COL28A1: variants seen among roughly 807,000 people sequenced by gnomAD.
COL28A1 encodes the protein collagen alpha-1(XXVIII) chain.
Under a neutral mutation model 150.2 loss-of-function variants are expected in COL28A1, and 161 were observed. The ratio of observed to expected loss-of-function variants is 1.07; its 90% CI spans 0.94 to 1.22. COL28A1 has a LOEUF of 1.22. Among genes scored for constraint, COL28A1 ranks in the 50% most tolerant of loss-of-function variants. The pLI is 0.00. For synonymous variants in COL28A1, 552 were observed against 469.7 expected (o/e 1.18, Z -2.26); for missense variants, 1,617 against 1,388.3 (o/e 1.16, Z -2.62).
rs576360202 is a variant in COL28A1, at chr7:7,465,443, C to G, written c.1302+9158G>C. Among the ~76,000 whole-genome samples, 375 of 139,782 alleles carry G rather than the reference C, an allele frequency of 2.7e-3. 4 individuals are homozygous for G. Among genetic ancestry groups the G allele is most frequent in the African/African-American group, 9.6e-3 (358 of 37,296 alleles). 91.7% of individuals were successfully genotyped at this position (139,782 alleles called of 152,430 possible). A position where few individuals can be genotyped will look rare whatever the true frequency, so the allele number is the denominator to read the frequency against. Reference sequence around the variant, plus strand: ...ACGAGACTATATCCCCCACCTGGCTCAGAGGGTCCTACGCCCACGGAATCT... The same window carrying G: ...ACGAGACTATATCCCCCACCTGGCTGAGAGGGTCCTACGCCCACGGAATCT... On this transcript the variant is annotated intron_variant, in intron 15 of 34. Transcript: ENST00000399429.
intron 11 of COL28A1, among the ~76,000 whole-genome samples, chr7:7,492,305 G>A (rs749494284): frequency 8.6e-5 from 13 of 151,970 alleles, no homozygotes; most frequent in Non-Finnish European, 1.5e-4. Context: ...CCGATGTGGT[G>A]GCTCATGCCT....
chr7:7,366,975 T>C (rs1350741614), intron 33 of COL28A1, among the ~76,000 whole-genome samples: 1 of 152,238 alleles, frequency 6.6e-6, no homozygotes, highest in African/African-American at 2.4e-5. Flanking sequence ...TGTGTGTGTG[T>C]GCGCGCGTGC....
intron 19 of COL28A1, among the ~76,000 whole-genome samples, chr7:7,443,940 TAG>T (rs1786018440): frequency 6.6e-6 from 1 of 151,210 alleles, no homozygotes; most frequent in Non-Finnish European, 1.5e-5. Flanking sequence ...TCGCATTTGG[TAG>T]ATTTTTTAAA....
At chr7:7,529,801 A>T (rs1230962085) in intron 3 of COL28A1, among the ~76,000 whole-genome samples, 1 of 152,242 alleles carries the variant, frequency 6.6e-6, no homozygotes, top group African/African-American at 2.4e-5. Flanking sequence ...CACGGGCTGG[A>T]GCCCTCTGTT....
At chr7:7,361,625 G>A (rs1178435999) in intron 33 of COL28A1, among the ~76,000 whole-genome samples, 5 of 152,106 alleles carry the variant, frequency 3.3e-5, no homozygotes, top group African/African-American at 1.2e-4. Flanking sequence ...TTTGTTGGCT[G>A]CATAAATGTC....
At chr7:7,510,274 TATTG>T (rs112747472) in intron 9 of COL28A1, among the ~76,000 whole-genome samples, 50 of 152,038 alleles carry the variant, frequency 3.3e-4, no homozygotes, top group Non-Finnish European at 4.6e-4. Context: ...GTGCTTTCAT[TATTG>T]ATTGATTGAT....
intron 9 of COL28A1, among the ~76,000 whole-genome samples, chr7:7,507,398 A>G (rs1780871421): frequency 6.6e-6 from 1 of 152,234 alleles, no homozygotes; most frequent in Non-Finnish European, 1.5e-5. Flanking sequence ...TCCGTTGCCT[A>G]CATATTGACA....
chr7:7,455,144 T>C (rs1268315903), intron 16 of COL28A1, among the ~76,000 whole-genome samples: 5 of 152,184 alleles, frequency 3.3e-5, no homozygotes, highest in South Asian at 2.1e-4. Context: ...AGAAACTAGA[T>C]ACAGAAAGCA....
At chr7:7,383,440 G>C (rs867564031) in intron 27 of COL28A1, among the ~76,000 whole-genome samples, 1 of 151,420 alleles carries the variant, frequency 6.6e-6, no homozygotes, top group African/African-American at 2.4e-5. Flanking sequence ...CACTATGCCT[G>C]GCTAATTTTT....
intron 27 of COL28A1, among the ~76,000 whole-genome samples, chr7:7,396,070 C>T (rs1186433479): frequency 6.6e-6 from 1 of 152,214 alleles, no homozygotes; most frequent in East Asian, 1.9e-4. Flanking sequence ...TTTGTGAGTA[C>T]AGCTAATTCA....
At chr7:7,378,064 G>C (rs191092770) in intron 30 of COL28A1, among the ~76,000 whole-genome samples, 3 of 152,110 alleles carry the variant, frequency 2.0e-5, no homozygotes, top group African/African-American at 7.2e-5. Flanking sequence ...AGTCTCATAC[G>C]TCTATAAGAC....
chr7:7,489,973 C>G (rs1415467605), intron 12 of COL28A1, among the ~76,000 whole-genome samples: 3 of 152,208 alleles, frequency 2.0e-5, no homozygotes, highest in African/African-American at 7.2e-5. Flanking sequence ...TGGGGATATT[C>G]AATTACATTC....
Position 7,373,876 on chromosome 7 carries a change from T to C in COL28A1, c.2360-330A>G, listed in dbSNP as rs1472094409. Among the ~76,000 whole-genome samples, 1 of 151,464 alleles carries C rather than the reference T, an allele frequency of 6.6e-6. No individual in the cohort carries two copies. Among genetic ancestry groups the C allele is most frequent in the Non-Finnish European group, 1.5e-5 (1 of 67,850 alleles). On this transcript the variant is annotated intron_variant, in intron 31 of 34. Coordinates refer to ENST00000399429, the MANE Select transcript of COL28A1 (RefSeq NM_001037763.3). The surrounding 1 kb of genome is among the most constrained non-coding windows in gnomAD (Gnocchi z 4.1). ...CACCTCGCCTGGCTAATTTTTTGTA[T>C]TTTTAGTAGAGACAGGGTTTCACCG...
chr7:7,363,844 G>T (rs534433859), intron 33 of COL28A1, among the ~76,000 whole-genome samples: 1 of 151,936 alleles, frequency 6.6e-6, no homozygotes, highest in Non-Finnish European at 1.5e-5. Context: ...TGCCCAGCAC[G>T]ATCTCGGCTC....
intron 27 of COL28A1, among the ~76,000 whole-genome samples, chr7:7,389,375 T>C (rs955053683): frequency 6.6e-6 from 1 of 152,228 alleles, no homozygotes; most frequent in East Asian, 1.9e-4. Context: ...TTGGTACCAA[T>C]ACCATGCTGT....
At chr7:7,431,099 G>A (rs1784938079) in intron 25 of COL28A1, 1 of 152,472 alleles carries the variant, frequency 6.6e-6, no homozygotes, top group Admixed American at 6.5e-5. Context: ...TAAATTTTGT[G>A]GCAGGGGCAA....
rs981402884 is a variant in COL28A1, at chr7:7,373,604, A to T, written c.2360-58T>A. 51 of 1,420,476 alleles carry T rather than the reference A, an allele frequency of 3.6e-5. No homozygotes were observed. The highest frequency in any genetic ancestry group is 4.9e-5 in the Non-Finnish European group (51 of 1,035,636). 88.0% of individuals were successfully genotyped at this position (1,420,476 alleles called of 1,614,324 possible). A position where few individuals can be genotyped will look rare whatever the true frequency, so the allele number is the denominator to read the frequency against. The stretch of plus-strand genomic sequence containing the variant: ...GGGAATGATTGACATCAGATTGTTG[A>T]GGGGAGGGGAGAAAAAGTCAATGAT... On this transcript the variant is annotated intron_variant, in intron 31 of 34. Transcript: ENST00000399429. This position sits in a 1 kb window ranked among gnomAD's most constrained non-coding sequence, Gnocchi z 4.1.
At chr7:7,508,076 C>G (rs1052718709) in intron 9 of COL28A1, among the ~76,000 whole-genome samples, 1 of 151,912 alleles carries the variant, frequency 6.6e-6, no homozygotes, top group Admixed American at 6.6e-5. Context: ...ACTAAAAATA[C>G]AAAAAATTAG....
chr7:7,535,029 C>T (rs967743747), intron 1 of COL28A1, among the ~76,000 whole-genome samples: 2 of 151,978 alleles, frequency 1.3e-5, no homozygotes, highest in Admixed American at 6.6e-5. Flanking sequence ...CACTTTTTAC[C>T]ATGTTTTATT....
Sources: gnomAD v4.1 joint callset for allele counts (sites outside exome capture counted in the v4.1 genomes callset) on GRCh38, gnomAD v4.1.1 for gene constraint, Gnocchi (gnomAD v3.1) non-coding constraint, MANE v1.5 for transcripts, NCBI Gene and HGNC (gene_info 2026-07-23, HGNC 2026-07-21) for gene names.